The following RAB11FIP3 variants were observed in gnomAD, a reference collection of about 807,000 sequenced individuals.
RAB11FIP3 encodes rab11 family-interacting protein 3.
RAB11FIP3 carries 17 observed loss-of-function variants against 77.8 expected under a neutral mutation model. That is an observed-to-expected ratio of 0.22 (90% CI 0.15 to 0.33). The LOEUF (loss-of-function observed/expected upper bound fraction) is 0.33, where lower values mean the gene tolerates loss of function less well. RAB11FIP3 is among the 10% of genes least tolerant of loss of function. The pLI is 1.00. For missense variants in RAB11FIP3, 1,005 were observed against 1,011.2 expected (o/e 0.99, Z 0.08); for synonymous variants, 437 against 448.2 (o/e 0.98, Z 0.31).
chr16:493,827 C>T (rs1441006561), intron 5 of RAB11FIP3, among the ~76,000 whole-genome samples: 2 of 147,858 alleles, frequency 1.4e-5, no homozygotes, highest in African/African-American at 5.0e-5. Context: ...CTCCGGACCT[C>T]GTGATCCGCC....
intron 1 of RAB11FIP3, among the ~76,000 whole-genome samples, chr16:455,514 C>A (rs2055488767): frequency 1.3e-5 from 2 of 151,862 alleles, no homozygotes; most frequent in Admixed American, 6.6e-5. Context: ...CACACTCTCA[C>A]AAGCACTCAG....
chr16:426,810 G>A lies in RAB11FIP3; in HGVS notation c.714+90G>A, dbSNP rs1000858086. ...GTGGGACCGGTCGACGCTGCCCCTG[G>A]AGTCGGGAAAGGCACTGTCAAGACC... is the stretch of plus-strand genomic sequence containing the variant. On this transcript the variant is annotated intron_variant, in intron 1 of 13. Coordinates refer to ENST00000262305, the MANE Select transcript of RAB11FIP3 (RefSeq NM_014700.4). The surrounding 1 kb of genome is among the most constrained non-coding windows in gnomAD (Gnocchi z 5.0). The A allele has an allele frequency of 9.8e-6, 11 of 1,122,098 alleles. No homozygotes were observed. The South Asian group carries it at 2.1e-4, about 21-fold the overall frequency. 69.5% of individuals were successfully genotyped at this position (1,122,098 alleles called of 1,614,324 possible). A position where few individuals can be genotyped will look rare whatever the true frequency, so the allele number is the denominator to read the frequency against.
At chr16:473,559 C>G (rs1022644122) in intron 3 of RAB11FIP3, among the ~76,000 whole-genome samples, 1 of 152,154 alleles carries the variant, frequency 6.6e-6, no homozygotes, top group African/African-American at 2.4e-5. Flanking sequence ...CTCAGCCTTT[C>G]CAGTGGCTGG....
rs1233250835 is a variant in RAB11FIP3 at position 471,060 on chromosome 16, C to A, written c.809-235C>A. 7.9e-5 allele frequency among the ~76,000 whole-genome samples: 12 copies of A among 151,502 alleles called. No individual in the cohort carries two copies. The highest frequency in any genetic ancestry group is 2.9e-4 in the African/African-American group (12 of 41,172). On this transcript the variant is annotated intron_variant, in intron 2 of 13. Coordinates refer to ENST00000262305, the MANE Select transcript of RAB11FIP3 (RefSeq NM_014700.4). The surrounding 1 kb of genome is among the most constrained non-coding windows in gnomAD (Gnocchi z 4.4). ...ACCTCTGCATCTCCTCCTCAGAATT[C>A]TCTCCAGAAGCCTTGTTCCTGTGGG...
intron 1 of RAB11FIP3, chr16:453,586 GTTTTTTTTTT>G (rs766526904): frequency 9.3e-6 from 1 of 107,324 alleles, no homozygotes; most frequent in Non-Finnish European, 2.0e-5. Context: ...TAGGAAGTTG[GTTTTTTTTTT>G]TTTTTTTTTT....
At chr16:435,984 G>A (rs2055120144) in intron 1 of RAB11FIP3, among the ~76,000 whole-genome samples, 1 of 152,130 alleles carries the variant, frequency 6.6e-6, no homozygotes, top group South Asian at 2.1e-4. Flanking sequence ...GAAAATGCCT[G>A]TAATTCCTGC....
At chr16:468,689 T>A (rs74000602) in intron 2 of RAB11FIP3, among the ~76,000 whole-genome samples, 3,670 of 152,150 alleles carry the variant, frequency 0.024, 118 homozygotes, top group African/African-American at 0.073. Flanking sequence ...AGGAATAGAA[T>A]GAGATAGAGA....
At chr16:496,511 T>C (rs978412987) in intron 5 of RAB11FIP3, among the ~76,000 whole-genome samples, 15 of 152,214 alleles carry the variant, frequency 9.9e-5, no homozygotes, top group Non-Finnish European at 1.9e-4. Context: ...TTCAGAAGCA[T>C]TGGGACAGTG....
At chr16:444,940 C>T (rs1046503212) in intron 1 of RAB11FIP3, among the ~76,000 whole-genome samples, 4 of 151,614 alleles carry the variant, frequency 2.6e-5, no homozygotes, top group African/African-American at 4.9e-5. Context: ...TGGTGAAACC[C>T]TGTCTCTACT....
At chr16:440,135 G>A (rs1306567954) in intron 1 of RAB11FIP3, among the ~76,000 whole-genome samples, 2 of 151,880 alleles carry the variant, frequency 1.3e-5, no homozygotes, top group Non-Finnish European at 2.9e-5. Flanking sequence ...GAGCCACCGC[G>A]CCCGGCCTTC....
chr16:486,798 A>G (rs540158345), intron 4 of RAB11FIP3, among the ~76,000 whole-genome samples: 1 of 152,230 alleles, frequency 6.6e-6, no homozygotes, highest in East Asian at 1.9e-4. Context: ...CTTCTGAGGG[A>G]GTAGCAGGTT....
chr16:439,310 A>G (rs957019894), intron 1 of RAB11FIP3: 2 of 152,238 alleles, frequency 1.3e-5, no homozygotes, highest in East Asian at 3.8e-4. Context: ...TGGCTAGTCA[A>G]GTGAAGCAGT....
At chr16:432,566 T>TTGAATC (rs1158742382) in intron 1 of RAB11FIP3, among the ~76,000 whole-genome samples, 5 of 151,772 alleles carry the variant, frequency 3.3e-5, no homozygotes, top group Non-Finnish European at 7.4e-5. Context: ...GCATGTTGCT[T>TTGAATC]TGAATCTGCT....
chr16:458,119 G>T (rs12934407), intron 1 of RAB11FIP3, among the ~76,000 whole-genome samples: 1 of 152,046 alleles, frequency 6.6e-6, no homozygotes, highest in Admixed American at 6.6e-5. Context: ...GCTGGGGCTG[G>T]CCCTGTTTGA....
Position 497,512 on chromosome 16 carries a change from T to C in RAB11FIP3, c.1301+653T>C. ...CCCCGTCCTGCTTCGTGGCCCGGCA[T>C]CTGGCAGGGCTGGGAGACGCCTCTC... On this transcript the variant is annotated intron_variant, in intron 6 of 13. Coordinates refer to ENST00000262305, the MANE Select transcript of RAB11FIP3 (RefSeq NM_014700.4). 1.0e-5 allele frequency: 12 copies of C among 1,171,224 alleles called. No homozygotes were observed. In the South Asian group the frequency reaches 1.9e-4, roughly 19 times the overall value. 72.6% of individuals were successfully genotyped at this position (1,171,224 alleles called of 1,614,324 possible). A position where few individuals can be genotyped will look rare whatever the true frequency, so the allele number is the denominator to read the frequency against.
chr16:500,681 C>CTA (rs1475429966), intron 6 of RAB11FIP3, among the ~76,000 whole-genome samples: 1 of 86,520 alleles, frequency 1.2e-5, no homozygotes. Flanking sequence ...GTGCAAGACT[C>CTA]TGTCGCAAAA....
At chr16:457,438 C>G (rs1014497517) in intron 1 of RAB11FIP3, among the ~76,000 whole-genome samples, 11 of 151,894 alleles carry the variant, frequency 7.2e-5, no homozygotes, top group Admixed American at 3.3e-4. Flanking sequence ...TGGTTTATGT[C>G]TCTTGGCTCG....
At chr16:450,995 T>C (rs1399683186) in intron 1 of RAB11FIP3, among the ~76,000 whole-genome samples, 1 of 152,074 alleles carries the variant, frequency 6.6e-6, no homozygotes, top group East Asian at 1.9e-4. Context: ...GTGTGGACTC[T>C]TTGGTTGCTT....
rs1285676001 is a variant in RAB11FIP3 at position 520,836 on chromosome 16, G to A, written c.2268G>A (p.Lys756=). The A allele has an allele frequency of 6.2e-7, 1 of 1,613,120 alleles. No individual in the cohort carries two copies. The highest frequency in any genetic ancestry group is 1.1e-5 in the South Asian group (1 of 91,070). The change falls in exon 14 of 14, where the codon AAG becomes AAA. Residue 756 remains lysine (K), a synonymous_variant. Transcript: ENST00000262305. ...CCAACCCGTCCATCCTGGAGGTCAA[G>A]TAGAGGCAGGAAGGTCCAGCCTGAG... ...METNPSILEV[K]
Sources: allele counts gnomAD v4.1 joint callset (sites outside exome capture counted in the v4.1 genomes callset), GRCh38; gene constraint gnomAD v4.1.1; non-coding constraint Gnocchi (gnomAD v3.1); transcripts MANE v1.5; gene names NCBI Gene and HGNC (gene_info 2026-07-23, HGNC 2026-07-21).